ZDHHC11B: variants seen among roughly 807,000 people sequenced by gnomAD.
ZDHHC11B encodes the protein zDHHC palmitoyltransferase 11B (putative).
In ZDHHC11B, 17 loss-of-function variants were observed where a neutral mutation model predicts 42.3. The observed-to-expected ratio is 0.40, with a 90% CI of 0.27 to 0.60. The LOEUF is 0.60. Among genes scored for constraint, ZDHHC11B ranks in the 20% least tolerant of loss-of-function variants. The pLI is 0.41. For missense variants in ZDHHC11B, 262 were observed against 463.2 expected, an observed-to-expected ratio of 0.57 and a Z score of 3.99; for synonymous variants, 123 against 193.5, an observed-to-expected ratio of 0.64 and a Z score of 3.02.
intron 12 of ZDHHC11B, among the ~76,000 whole-genome samples, chr5:725,766 A>T (rs1415731183): frequency 2.0e-5 from 3 of 151,950 alleles, no homozygotes; most frequent in Non-Finnish European, 2.9e-5. Flanking sequence ...AAAGTTCCAG[A>T]CAAGCACCAT....
intron 12 of ZDHHC11B, among the ~76,000 whole-genome samples, chr5:721,891 T>C (rs1406197623): frequency 6.6e-6 from 1 of 151,754 alleles, no homozygotes; most frequent in Non-Finnish European, 1.5e-5. Context: ...TGAGTGGAAT[T>C]GACTAGACAG....
intron 1 of ZDHHC11B, among the ~76,000 whole-genome samples, chr5:779,316 C>A (rs1736792862): frequency 1.3e-5 from 2 of 149,624 alleles, no homozygotes; most frequent in South Asian, 4.3e-4. Context: ...GTTGTGTTAA[C>A]CCCGGACTGT....
At chr5:712,928 G>GTA (rs70955292) in intron 13 of ZDHHC11B, among the ~76,000 whole-genome samples, 70,828 of 139,624 alleles carry the variant, frequency 0.51, 15,960 homozygotes, top group African/African-American at 0.58. Flanking sequence ...GTGTGTGTGT[G>GTA]TATATATATA....
intron 1 of ZDHHC11B, among the ~76,000 whole-genome samples, chr5:771,409 G>T (rs1249420838): frequency 6.6e-6 from 1 of 151,726 alleles, no homozygotes; most frequent in Non-Finnish European, 1.5e-5. Flanking sequence ...ACCCAGCGGA[G>T]GATGCAGGGG....
At chr5:719,001 A>T (rs1410858691) in intron 12 of ZDHHC11B, among the ~76,000 whole-genome samples, 1 of 151,892 alleles carries the variant, frequency 6.6e-6, no homozygotes, top group Non-Finnish European at 1.5e-5. Flanking sequence ...TGGAAGATTT[A>T]GAGAGACACA....
At chr5:716,175 GAT>G (rs1345247246) in intron 13 of ZDHHC11B, among the ~76,000 whole-genome samples, 3 of 151,118 alleles carry the variant, frequency 2.0e-5, no homozygotes, top group Admixed American at 6.6e-5. Context: ...TAGCTGAGGG[GAT>G]ATAGTAGTGG....
At chr5:756,333 T>C (rs1400672153) in intron 4 of ZDHHC11B, among the ~76,000 whole-genome samples, 189 bp from the exon 5 acceptor site, 9 of 151,256 alleles carry the variant, frequency 6.0e-5, no homozygotes, top group Admixed American at 2.0e-4. Context: ...CTTGCACACA[T>C]GGCCCTATAC....
intron 4 of ZDHHC11B, among the ~76,000 whole-genome samples, chr5:761,400 G>C (rs891206702): frequency 6.6e-6 from 1 of 151,828 alleles, no homozygotes; most frequent in African/African-American, 2.4e-5. Context: ...GGCCATCTAG[G>C]ACCCAGGCTT....
At chr5:733,096 T>G (rs1743157931) in intron 11 of ZDHHC11B, among the ~76,000 whole-genome samples, 2 of 151,390 alleles carry the variant, frequency 1.3e-5, no homozygotes, top group South Asian at 4.2e-4. Context: ...CACTGGAAGC[T>G]GACCCCAGAG....
At chr5:752,993 C>A (rs1391624726) in intron 6 of ZDHHC11B, among the ~76,000 whole-genome samples, 1 of 45,706 alleles carries the variant, frequency 2.2e-5, no homozygotes, top group African/African-American at 1.7e-4. Context: ...GGGGCCTCCT[C>A]TCCCCGCAGC....
intron 12 of ZDHHC11B, among the ~76,000 whole-genome samples, chr5:726,276 T>C (rs1301933554): frequency 6.6e-6 from 1 of 151,532 alleles, no homozygotes; most frequent in East Asian, 1.9e-4. Context: ...TAGAAACAGA[T>C]GTTTGTAATG....
In ZDHHC11B at chr5:736,045, C is replaced by A. The variant is rs1236458466; in HGVS notation, c.936-2206G>T. Among the ~76,000 whole-genome samples the A allele has an allele frequency of 1.3e-5, 2 of 149,594 alleles. 1 individual carries two copies. Among genetic ancestry groups the A allele is most frequent in the African/African-American group, 4.9e-5 (2 of 40,566 alleles). On this transcript the variant is annotated intron_variant, in intron 10 of 13. Transcript: ENST00000508859. ...GAGTGGAAGAATGGAGAAAAATCCA[C>A]CAACCAAGTATCTGCTGTCTTCAAG...
intron 1 of ZDHHC11B, among the ~76,000 whole-genome samples, chr5:770,782 G>A (rs1255516393): frequency 6.6e-6 from 1 of 152,014 alleles, no homozygotes; most frequent in Non-Finnish European, 1.5e-5. Context: ...CAGGGCTGAG[G>A]CAGTGCTGGG....
At chr5:738,785 T>C (rs1306430995) in intron 10 of ZDHHC11B, among the ~76,000 whole-genome samples, 1 of 150,216 alleles carries the variant, frequency 6.7e-6, no homozygotes, top group Non-Finnish European at 1.5e-5. Flanking sequence ...TTTACAAACA[T>C]CAGCTGAGGA....
rs540452795 is a variant in ZDHHC11B at position 750,857 on chromosome 5, A to C, written c.628+276T>G. ...GGCTGACTGCGGAGGGCAGGGGCAG[A>C]GGTGGACCCCACTGTCTCTCGCCTG... On this transcript the variant is annotated intron_variant, in intron 7 of 13. Coordinates refer to ENST00000508859, the MANE Select transcript of ZDHHC11B (RefSeq NM_001351303.2). Among the ~76,000 whole-genome samples the C allele has an allele frequency of 2.0e-4, 25 of 127,152 alleles. 8 individuals carry two copies. The highest frequency in any genetic ancestry group is 7.3e-4 in the Admixed American group (8 of 10,970). 83.4% of individuals were successfully genotyped at this position (127,152 alleles called of 152,430 possible). A position where few individuals can be genotyped will look rare whatever the true frequency, so the allele number is the denominator to read the frequency against.
At chr5:731,051 C>T (rs557358874) in intron 11 of ZDHHC11B, among the ~76,000 whole-genome samples, 284 of 151,710 alleles carry the variant, frequency 1.9e-3, no homozygotes, top group African/African-American at 6.5e-3. Flanking sequence ...TATGTGTGCA[C>T]ACACATGTTG....
intron 1 of ZDHHC11B, among the ~76,000 whole-genome samples, chr5:770,882 A>G (rs1425410427): frequency 2.6e-5 from 4 of 151,880 alleles, no homozygotes; most frequent in Non-Finnish European, 5.9e-5. Context: ...GCTAAGATTG[A>G]GGGGTGCCAC....
At chr5:779,463 G>T (rs1329949532) in intron 1 of ZDHHC11B, among the ~76,000 whole-genome samples, 2 of 149,746 alleles carry the variant, frequency 1.3e-5, no homozygotes, top group East Asian at 3.9e-4. Context: ...GCCCTTGGGG[G>T]TCCACCTAAG....
intron 12 of ZDHHC11B, among the ~76,000 whole-genome samples, chr5:727,913 A>T (rs397832192): frequency 1.3e-5 from 2 of 151,848 alleles, no homozygotes; most frequent in East Asian, 1.9e-4. Context: ...GCAAGACAGG[A>T]ACATTTGACA....
Sources: allele counts gnomAD v4.1 joint callset (sites outside exome capture counted in the v4.1 genomes callset), GRCh38; gene constraint gnomAD v4.1.1; transcripts MANE v1.5; gene names NCBI Gene and HGNC (gene_info 2026-07-23, HGNC 2026-07-21).